The following TMEM108 variants were observed in gnomAD, a reference collection of about 807,000 sequenced individuals.
TMEM108 encodes the protein cancer/testis antigen 124.
In TMEM108, 12 loss-of-function variants were observed where a neutral mutation model predicts 35.1. The observed-to-expected ratio is 0.34, with a 90% CI of 0.22 to 0.55. The LOEUF (loss-of-function observed/expected upper bound fraction) is 0.55. Ranked by LOEUF, TMEM108 falls within the 20% of genes least tolerant of loss-of-function variation. The probability of loss-of-function intolerance (pLI) is 0.89; values close to 1 mark genes in which losing one functional copy is unlikely to be tolerated. For synonymous variants in TMEM108, 287 were observed against 308.6 expected (o/e 0.93, Z 0.73); for missense variants, 680 against 753.3 (o/e 0.90, Z 1.14).
At chr3:133,200,654 C>T (rs1392820384) in intron 2 of TMEM108, among the ~76,000 whole-genome samples, 1 of 152,196 alleles carries the variant, frequency 6.6e-6, no homozygotes, top group Non-Finnish European at 1.5e-5. Context: ...ACCCAATCTG[C>T]TCTTATATCA....
At chr3:133,338,214 G>A (rs771187209) in intron 3 of TMEM108, among the ~76,000 whole-genome samples, 11 of 152,084 alleles carry the variant, frequency 7.2e-5, no homozygotes, top group Non-Finnish European at 4.4e-5. Flanking sequence ...GAAGGTTATA[G>A]AACACCAAGC....
rs2072123823 is a variant in TMEM108 at position 133,355,127 on chromosome 3, T to A, written c.41-24625T>A. On this transcript the variant is annotated intron_variant, in intron 3 of 5. Transcript: ENST00000321871. Reference sequence around the variant, plus strand: ...GTGCACAGATATTCAGCTGGGTGTATCTAAATGTCACTGCACAGCATTTGT... The same window carrying A: ...GTGCACAGATATTCAGCTGGGTGTAACTAAATGTCACTGCACAGCATTTGT... Among the ~76,000 whole-genome samples the A allele has an allele frequency of 2.6e-5, 4 of 152,212 alleles. No homozygotes were observed. In the South Asian group the frequency reaches 8.3e-4, roughly 32 times the overall value.
intron 2 of TMEM108, among the ~76,000 whole-genome samples, chr3:133,146,948 GTC>G (rs1440865738): frequency 6.6e-6 from 1 of 151,956 alleles, no homozygotes. Context: ...GCTTTTTCAT[GTC>G]TCTCTGTCCT....
chr3:133,197,372 G>A (rs575569405), intron 2 of TMEM108, among the ~76,000 whole-genome samples: 6 of 152,222 alleles, frequency 3.9e-5, no homozygotes, highest in South Asian at 2.1e-4. Context: ...CCAGGGATCC[G>A]CAGTGGTAGA....
intron 3 of TMEM108, among the ~76,000 whole-genome samples, chr3:133,297,820 G>A (rs1158471146): frequency 2.0e-5 from 3 of 152,166 alleles, no homozygotes; most frequent in Non-Finnish European, 4.4e-5. Context: ...ACCCCTCCAG[G>A]CGAAAGCTGA....
At chr3:133,113,477 C>T (rs149262801) in intron 2 of TMEM108, among the ~76,000 whole-genome samples, 3 of 152,174 alleles carry the variant, frequency 2.0e-5, no homozygotes, top group African/African-American at 7.2e-5. Flanking sequence ...CATCTATGAG[C>T]GATGAGCCAT....
chr3:133,254,372 A>G, intron 3 of TMEM108, among the ~76,000 whole-genome samples: 1 of 152,178 alleles, frequency 6.6e-6, no homozygotes, highest in East Asian at 1.9e-4. Flanking sequence ...TTTGGTTTTG[A>G]TTCCTATTAA....
intron 3 of TMEM108, among the ~76,000 whole-genome samples, chr3:133,368,362 T>G (rs1331209007): frequency 2.6e-5 from 4 of 152,312 alleles, no homozygotes; most frequent in African/African-American, 9.6e-5. Context: ...GAGACTTGTC[T>G]CTGTAAAATC....
chr3:133,179,832 C>T (rs1945304088), intron 2 of TMEM108, among the ~76,000 whole-genome samples: 1 of 151,038 alleles, frequency 6.6e-6, no homozygotes, highest in South Asian at 2.1e-4. Context: ...AATAAAATGG[C>T]CCTTCTTAGA....
At chr3:133,230,705 C>T (rs1201830105) in intron 3 of TMEM108, among the ~76,000 whole-genome samples, 1 of 152,138 alleles carries the variant, frequency 6.6e-6, no homozygotes, top group Non-Finnish European at 1.5e-5. Flanking sequence ...GATTTTGGAA[C>T]AGCAAAATGT....
Position 133,158,465 on chromosome 3 carries a change from T to TA in TMEM108, c.-46-70777dup, listed in dbSNP as rs11328701. 7.6e-3 allele frequency among the ~76,000 whole-genome samples: 610 copies of TA among 80,558 alleles called. 7 individuals carry two copies. Among genetic ancestry groups the TA allele is most frequent in the African/African-American group, 0.02 (416 of 20,598 alleles). The allele number at this position is 80,558 out of a possible 152,430, so 52.8% of individuals were successfully genotyped here. A position where few individuals can be genotyped will look rare whatever the true frequency, so the allele number is the denominator to read the frequency against. ...CCTGGCAACAGAGTGAGACTCTGTC[T>TA]AAAAAAAAAAAAAAAAAAAAAAAAG... On this transcript the variant is annotated intron_variant, in intron 2 of 5. Transcript: ENST00000321871.
chr3:133,196,526 T>C (rs765330153), intron 2 of TMEM108, among the ~76,000 whole-genome samples: 1 of 152,238 alleles, frequency 6.6e-6, no homozygotes, highest in Non-Finnish European at 1.5e-5. Flanking sequence ...TTTACATGTT[T>C]ATACCTCTTT....
intron 2 of TMEM108, among the ~76,000 whole-genome samples, chr3:133,106,175 GTTTTTTTTTTTT>G (rs745343008): frequency 5.6e-5 from 5 of 89,696 alleles, no homozygotes; most frequent in Non-Finnish European, 8.6e-5. Context: ...GAGGTTAAAG[GTTTTTTTTTTTT>G]TTTTTTTTTT....
At chr3:133,250,432 A>T (rs985723723) in intron 3 of TMEM108, among the ~76,000 whole-genome samples, 3 of 152,222 alleles carry the variant, frequency 2.0e-5, no homozygotes, top group African/African-American at 7.2e-5. Flanking sequence ...GTAAGAATAC[A>T]GTATATATAA....
chr3:133,304,629 T>C (rs1315240170), intron 3 of TMEM108, among the ~76,000 whole-genome samples: 1 of 152,226 alleles, frequency 6.6e-6, no homozygotes, highest in African/African-American at 2.4e-5. Flanking sequence ...GCTTTTTTAC[T>C]ATGCATAATG....
intron 3 of TMEM108, among the ~76,000 whole-genome samples, chr3:133,264,924 T>C (rs1350173993): frequency 6.6e-6 from 1 of 152,148 alleles, no homozygotes; most frequent in Non-Finnish European, 1.5e-5. Flanking sequence ...CCAAAATTAC[T>C]GGGAAGGCTA....
chr3:133,307,580 A>C (rs763049772), intron 3 of TMEM108, among the ~76,000 whole-genome samples: 8 of 152,116 alleles, frequency 5.3e-5, no homozygotes, highest in Non-Finnish European at 1.2e-4. Context: ...AGTTTCAGCT[A>C]TCTACATATG....
At chr3:133,144,219 G>A (rs1434892150) in intron 2 of TMEM108, among the ~76,000 whole-genome samples, 11 of 151,912 alleles carry the variant, frequency 7.2e-5, no homozygotes, top group African/African-American at 2.2e-4. Context: ...GAGAACATGC[G>A]GTGTTTGGTT....
At chr3:133,207,738 C>G (rs2107835479) in intron 2 of TMEM108, among the ~76,000 whole-genome samples, 1 of 152,250 alleles carries the variant, frequency 6.6e-6, no homozygotes, top group Non-Finnish European at 1.5e-5. Flanking sequence ...TTAATGCTCC[C>G]CTCCATATGG....
Sources: gnomAD v4.1 joint callset for allele counts (sites outside exome capture counted in the v4.1 genomes callset) on GRCh38, gnomAD v4.1.1 for gene constraint, MANE v1.5 for transcripts, NCBI Gene and HGNC (gene_info 2026-07-23, HGNC 2026-07-21) for gene names.